The following HDAC4 variants were observed in gnomAD, a reference collection of about 807,000 sequenced individuals.
HDAC4 encodes the protein histone deacetylase A.
A neutral mutation model predicts 135.1 loss-of-function variants in HDAC4; 16 were observed. That is an observed-to-expected ratio of 0.12 (90% CI 0.08 to 0.18). HDAC4 has a LOEUF of 0.18. HDAC4 is among the 10% of genes least tolerant of loss of function. The pLI is 1.00. For synonymous variants in HDAC4, 685 were observed against 653.4 expected (o/e 1.05, Z -0.74); for missense variants, 1,143 against 1,511.8 (o/e 0.76, Z 4.05).
In HDAC4 at chr2:239,349,886, C is replaced by T. The variant is rs1041040058; in HGVS notation, c.22+2792G>A. ...AGGGGCAGCCCTGCCCTCACCAGTG[C>T]GGCCTGTCTTCAGCCTCCAACCCAC... On this transcript the variant is annotated intron_variant, in intron 2 of 26. Coordinates refer to ENST00000543185, the MANE Select transcript of HDAC4 (RefSeq NM_001378414.1). This position sits in a 1 kb window ranked among gnomAD's most constrained non-coding sequence, Gnocchi z 5.7. Among the ~76,000 whole-genome samples the T allele has an allele frequency of 1.3e-5, 2 of 152,212 alleles. No individual in the cohort carries two copies. The highest frequency in any genetic ancestry group is 2.4e-5 in the African/African-American group (1 of 41,454).
At chr2:239,055,323 C>G (rs929140659) in intron 24 of HDAC4, 2 of 194,792 alleles carry the variant, frequency 1.0e-5, no homozygotes, top group African/African-American at 4.8e-5. Flanking sequence ...TCCTTCACAC[C>G]GAGTTTTTCC....
intron 12 of HDAC4, among the ~76,000 whole-genome samples, chr2:239,122,379 C>T (rs182732400): frequency 2.0e-5 from 3 of 152,304 alleles, no homozygotes; most frequent in Admixed American, 2.0e-4. Flanking sequence ...ACCCACTGCT[C>T]GCAAACCAGA....
intron 2 of HDAC4, among the ~76,000 whole-genome samples, chr2:239,242,238 G>C (rs1575501449): frequency 7.7e-6 from 1 of 129,862 alleles, no homozygotes; most frequent in South Asian, 2.5e-4. Flanking sequence ...GGAAGGGAGG[G>C]AGGGAGGGAG....
intron 3 of HDAC4, among the ~76,000 whole-genome samples, chr2:239,234,818 T>C (rs2047789530): frequency 6.6e-6 from 1 of 152,138 alleles, no homozygotes; most frequent in Non-Finnish European, 1.5e-5. Context: ...GAATATTAAT[T>C]TGAAGCCCAC....
chr2:239,232,284 C>T lies in HDAC4; in HGVS notation c.94+4309G>A, dbSNP rs547378523. On this transcript the variant is annotated intron_variant, in intron 3 of 26. Transcript: ENST00000543185. ...GTTTTTAAGTTCCCCGTAATTCAGC[C>T]CTTGGGCATAGTTGGGTTTATAATC... Among the ~76,000 whole-genome samples, 4 of 152,356 alleles carry T rather than the reference C, an allele frequency of 2.6e-5. No homozygotes were observed. In the East Asian group the frequency reaches 5.8e-4, roughly 22 times the overall value.
chr2:239,391,593 C>T (rs1696218654), intron 1 of HDAC4, among the ~76,000 whole-genome samples: 1 of 152,204 alleles, frequency 6.6e-6, no homozygotes, highest in Non-Finnish European at 1.5e-5. Flanking sequence ...CAGCAGATGA[C>T]AAAGGACTCA....
chr2:239,395,011 TAA>T (rs1696467698), intron 1 of HDAC4, among the ~76,000 whole-genome samples: 1 of 152,124 alleles, frequency 6.6e-6, no homozygotes, highest in East Asian at 1.9e-4. Flanking sequence ...GCTATTAGGC[TAA>T]GTTTAACAGG....
intron 22 of HDAC4, among the ~76,000 whole-genome samples, chr2:239,080,580 T>C (rs76183218): frequency 0.043 from 2,151 of 50,428 alleles, 49 homozygotes; most frequent in African/African-American, 0.15. Flanking sequence ...AAGCAAACAC[T>C]GCGTCTTTAA....
intron 7 of HDAC4, among the ~76,000 whole-genome samples, chr2:239,149,960 C>G (rs556906049): frequency 5.3e-5 from 8 of 152,256 alleles, no homozygotes; most frequent in Admixed American, 2.6e-4. Flanking sequence ...TTTTCAGGAA[C>G]CTTTCCTACA....
At chr2:239,173,046 T>C (rs2043552531) in intron 5 of HDAC4, among the ~76,000 whole-genome samples, 1 of 152,224 alleles carries the variant, frequency 6.6e-6, no homozygotes, top group Admixed American at 6.5e-5. Context: ...AGGGTTAAGA[T>C]GGCTTTAGCA....
intron 4 of HDAC4, among the ~76,000 whole-genome samples, chr2:239,184,284 T>TGG (rs111920816): frequency 6.7e-6 from 1 of 149,860 alleles, no homozygotes; most frequent in African/African-American, 2.5e-5. Flanking sequence ...CTGTGCCCTA[T>TGG]GGGGGGGTCC....
intron 2 of HDAC4, among the ~76,000 whole-genome samples, chr2:239,257,845 C>CA (rs202012761): frequency 1.0e-3 from 157 of 151,852 alleles, no homozygotes; most frequent in African/African-American, 3.5e-3. Context: ...GACAACCCAA[C>CA]AAAAAAAACC....
chr2:239,088,624 C>T (rs943342246), intron 18 of HDAC4, among the ~76,000 whole-genome samples: 3 of 151,664 alleles, frequency 2.0e-5, no homozygotes, highest in South Asian at 2.1e-4. Flanking sequence ...AGCACCAGGG[C>T]GTGTGTGTGT....
At chr2:239,224,046 C>A (rs897035040) in intron 3 of HDAC4, among the ~76,000 whole-genome samples, 2 of 152,086 alleles carry the variant, frequency 1.3e-5, no homozygotes, top group African/African-American at 2.4e-5. Flanking sequence ...TTTGAAAGCA[C>A]TGCACAGATC....
chr2:239,310,202 T>C (rs2052803905), intron 2 of HDAC4, among the ~76,000 whole-genome samples: 1 of 152,188 alleles, frequency 6.6e-6, no homozygotes, highest in South Asian at 2.1e-4. Context: ...ATACTTCTTA[T>C]TATATACAGA....
chr2:239,134,895 C>T (rs1372699907), intron 9 of HDAC4, among the ~76,000 whole-genome samples: 8 of 152,180 alleles, frequency 5.3e-5, no homozygotes, highest in Non-Finnish European at 1.0e-4. Context: ...AGCATCATCT[C>T]GTTGATTTCT....
intron 2 of HDAC4, among the ~76,000 whole-genome samples, chr2:239,257,273 T>C (rs951891150): frequency 1.3e-5 from 2 of 149,196 alleles, no homozygotes; most frequent in Non-Finnish European, 3.0e-5. Flanking sequence ...AAATAGGCCA[T>C]GTGGTCCAGC....
chr2:239,190,833 T>C (rs1189392202), intron 3 of HDAC4: 4 of 394,466 alleles, frequency 1.0e-5, no homozygotes, highest in Non-Finnish European at 2.1e-5. Context: ...ATTTCATTCC[T>C]TACAATCAAT....
rs1036058739 is a variant in HDAC4 at position 239,400,932 on chromosome 2, G to T, written c.-220+46C>A. The T allele has an allele frequency of 1.2e-4, 18 of 150,480 alleles. No individual in the cohort carries two copies. The highest frequency in any genetic ancestry group is 4.1e-4 in the African/African-American group (17 of 41,246). 9.3% of individuals were successfully genotyped at this position (150,480 alleles called of 1,614,324 possible). On this transcript the variant is annotated intron_variant, in intron 1 of 26. Coordinates refer to ENST00000543185, the MANE Select transcript of HDAC4 (RefSeq NM_001378414.1). The surrounding 1 kb of genome is among the most constrained non-coding windows in gnomAD (Gnocchi z 4.7). ...GGCGGCGGGGACGGTGCTCCGCGGCGGCGGCCCCACAACCTCCCCTCCTCA... is the reference window on the plus strand; with the variant it reads ...GGCGGCGGGGACGGTGCTCCGCGGCTGCGGCCCCACAACCTCCCCTCCTCA...
Sources: gnomAD v4.1 joint callset for allele counts (sites outside exome capture counted in the v4.1 genomes callset) on GRCh38, gnomAD v4.1.1 for gene constraint, Gnocchi (gnomAD v3.1) non-coding constraint, MANE v1.5 for transcripts, NCBI Gene and HGNC (gene_info 2026-07-23, HGNC 2026-07-21) for gene names.